SPECC1: variants seen among roughly 807,000 people sequenced by gnomAD.
The protein encoded by SPECC1 is sperm antigen with calponin homology and coiled-coil domains 1.
Under a neutral mutation model 104.1 loss-of-function variants are expected in SPECC1, and 62 were observed. The ratio of observed to expected loss-of-function variants is 0.60; its 90% CI spans 0.49 to 0.74. The LOEUF (loss-of-function observed/expected upper bound fraction) is 0.74. Ranked by LOEUF, SPECC1 falls within the 30% of genes least tolerant of loss-of-function variation. The pLI is 0.00. For missense variants in SPECC1, 1,306 were observed against 1,310.5 expected, an observed-to-expected ratio of 1.00 and a Z score of 0.05; for synonymous variants, 513 against 501.6, an observed-to-expected ratio of 1.02 and a Z score of -0.30.
At chr17:20,191,705 G>A (rs899336480) in intron 3 of SPECC1, among the ~76,000 whole-genome samples, 4 of 151,692 alleles carry the variant, frequency 2.6e-5, no homozygotes, top group Non-Finnish European at 5.9e-5. Flanking sequence ...GTGTCCATGT[G>A]TTCTCATTGT....
chr17:20,289,614 A>T (rs2041088021), intron 12 of SPECC1, among the ~76,000 whole-genome samples: 1 of 152,298 alleles, frequency 6.6e-6, no homozygotes, highest in East Asian at 1.9e-4. Flanking sequence ...CCAAAAAGGG[A>T]ACACTTTTAT....
At chr17:20,010,274 CTCT>C (rs1025578828) in intron 1 of SPECC1, 1 of 151,720 alleles carries the variant, frequency 6.6e-6, no homozygotes, top group African/African-American at 2.4e-5. Context: ...TGTGAAAGTG[CTCT>C]TCCTTGCCCT....
At chr17:20,141,461 C>T (rs1023859743) in intron 3 of SPECC1, among the ~76,000 whole-genome samples, 4 of 152,152 alleles carry the variant, frequency 2.6e-5, no homozygotes, top group African/African-American at 9.7e-5. Context: ...TGATTCAGAG[C>T]GAGGACATGG....
intron 3 of SPECC1, among the ~76,000 whole-genome samples, chr17:20,181,752 C>T (rs1004217079): frequency 1.3e-5 from 2 of 150,986 alleles, no homozygotes; most frequent in African/African-American, 2.4e-5. Flanking sequence ...AGCATTGGAA[C>T]GTGAAAAAAA....
In SPECC1 at chr17:20,231,837, A is replaced by T. The variant is rs1022608985; in HGVS notation, c.2145+6A>T. 2 of 1,613,856 alleles carry T rather than the reference A, an allele frequency of 1.2e-6. No homozygotes were observed. Among genetic ancestry groups the T allele is most frequent in the African/African-American group, 1.3e-5 (1 of 74,898 alleles). On this transcript the variant is annotated splice_donor_region_variant and intron_variant, in intron 6 of 14. Transcript: ENST00000395527. ...CTCTGACCAAGCAGATGAAGGTGAG[A>T]TGCGGGTGGGAGCCTTCACCACCAT...
intron 1 of SPECC1, among the ~76,000 whole-genome samples, chr17:20,040,580 A>T (rs904023491): frequency 1.3e-5 from 2 of 152,134 alleles, no homozygotes; most frequent in African/African-American, 4.8e-5. Context: ...TTCTTGAAGG[A>T]TATTTTTACT....
intron 1 of SPECC1, chr17:20,087,111 A>G (rs1465404210): frequency 2.0e-5 from 3 of 152,232 alleles, no homozygotes; most frequent in Non-Finnish European, 4.4e-5. Context: ...CCATCAGTTC[A>G]TACTTTACAA....
At chr17:20,049,229 T>A (rs369068044) in intron 1 of SPECC1, among the ~76,000 whole-genome samples, 33 of 152,278 alleles carry the variant, frequency 2.2e-4, no homozygotes, top group South Asian at 1.5e-3. Context: ...CATGATGATG[T>A]TTGAAGTTTT....
chr17:20,242,347 A>G (rs535419855), intron 7 of SPECC1, among the ~76,000 whole-genome samples: 4 of 152,266 alleles, frequency 2.6e-5, no homozygotes, highest in African/African-American at 4.8e-5. Context: ...ATATGTGCTT[A>G]AATGACAAGG....
At chr17:20,021,452 T>C (rs1479143564) in intron 1 of SPECC1, among the ~76,000 whole-genome samples, 1 of 152,022 alleles carries the variant, frequency 6.6e-6, no homozygotes, top group Non-Finnish European at 1.5e-5. Flanking sequence ...ACACCCAGGT[T>C]GATTCCCACT....
At chr17:20,302,478 T>A (rs2041621095) in intron 13 of SPECC1, among the ~76,000 whole-genome samples, 1 of 152,122 alleles carries the variant, frequency 6.6e-6, no homozygotes, top group South Asian at 2.1e-4. Context: ...GTGACAGTGA[T>A]CAAATGAAAG....
chr17:20,195,896 T>C (rs1487518828), intron 3 of SPECC1, among the ~76,000 whole-genome samples: 1 of 152,218 alleles, frequency 6.6e-6, no homozygotes, highest in Non-Finnish European at 1.5e-5. Flanking sequence ...GTTTTTGCTC[T>C]AAGAAACCAA....
At chr17:20,228,535 G>T (rs1397025156) in intron 5 of SPECC1, among the ~76,000 whole-genome samples, 1 of 152,200 alleles carries the variant, frequency 6.6e-6, no homozygotes, top group Non-Finnish European at 1.5e-5. Flanking sequence ...AGAAGAAATT[G>T]CTTGCCAGTC....
chr17:20,238,373 A>G, intron 7 of SPECC1: 1 of 1,041,428 alleles, frequency 9.6e-7, no homozygotes, highest in East Asian at 5.8e-5. Flanking sequence ...GAAGATCCAA[A>G]TCCAATTCAG....
chr17:20,027,880 C>G (rs1207223456), intron 1 of SPECC1, among the ~76,000 whole-genome samples: 1 of 152,052 alleles, frequency 6.6e-6, no homozygotes, highest in Non-Finnish European at 1.5e-5. Flanking sequence ...CTTTCCATTT[C>G]TTGATGGTGT....
chr17:20,204,910 C>A lies in SPECC1; in HGVS notation c.861C>A (p.Ser287Arg), dbSNP rs1228981385. Residue 287 changes from serine to arginine, a missense_variant, in exon 4 of 15, where the codon AGC (serine) becomes AGA (arginine). By Grantham distance (110) the Ser-to-Arg change is moderately radical (BLOSUM62 -1). Around this residue, in one of 2 missense-constraint regions of SPECC1, gnomAD observed 1,177 missense variants for 1,139.9 expected, o/e 1.03. Transcript: ENST00000395527. ...TAACTCAAGAGTCAAGCTTCGGAAG[C>A]CCAACTGGAAATCAGATGTCCAGTG... is the stretch of plus-strand genomic sequence containing the variant. ...TSITQESSFG[S>R]PTGNQMSSDI... 1 of 1,613,864 alleles carries A rather than the reference C, an allele frequency of 6.2e-7. No homozygotes were observed. The highest frequency in any genetic ancestry group is 1.3e-5 in the African/African-American group (1 of 74,884).
chr17:20,230,882 C>G, intron 5 of SPECC1, among the ~76,000 whole-genome samples: 1 of 152,148 alleles, frequency 6.6e-6, no homozygotes, highest in South Asian at 2.1e-4. Flanking sequence ...AGCATTGATT[C>G]CAGACACAAA....
chr17:20,152,728 A>G (rs995031323), intron 3 of SPECC1, among the ~76,000 whole-genome samples: 25 of 152,064 alleles, frequency 1.6e-4, no homozygotes, highest in Admixed American at 7.9e-4. Context: ...CTGGAGTACA[A>G]TGGTGCGATC....
At chr17:20,156,350 G>A in intron 3 of SPECC1, 1 of 1,145,162 alleles carries the variant, frequency 8.7e-7, no homozygotes, top group Non-Finnish European at 1.1e-6. Context: ...AAAGGCTAAG[G>A]TCCTGGGGTG....
Sources: allele counts gnomAD v4.1 joint callset (sites outside exome capture counted in the v4.1 genomes callset), GRCh38; gene constraint gnomAD v4.1.1; regional missense constraint gnomAD v4.1.1; transcripts MANE v1.5; gene names NCBI Gene and HGNC (gene_info 2026-07-23, HGNC 2026-07-21).